NME2: variants seen among roughly 807,000 people sequenced by gnomAD.
NME2 encodes nucleoside diphosphate kinase B.
A neutral mutation model predicts 17.8 loss-of-function variants in NME2; 18 were observed. That is an observed-to-expected ratio of 1.01 (90% CI 0.70 to 1.50). NME2 has a LOEUF of 1.50. Ranked by LOEUF, NME2 falls within the 40% of genes most tolerant of loss-of-function variation. The probability of loss-of-function intolerance (pLI) is 0.00; values close to 1 mark genes in which losing one functional copy is unlikely to be tolerated. For synonymous variants in NME2, 74 were observed against 71.4 expected, an observed-to-expected ratio of 1.04 and a Z score of -0.19; for missense variants, 161 against 195.6, an observed-to-expected ratio of 0.82 and a Z score of 1.05.
At chr17:51,171,429 C>A in intron 4 of NME2, 58 bp from the exon 5 acceptor site, 2 of 1,484,820 alleles carry the variant, frequency 1.3e-6, no homozygotes, top group African/African-American at 1.4e-5. Context: ...TTGCGGTACC[C>A]ATTAAACAGA....
intron 4 of NME2, among the ~76,000 whole-genome samples, chr17:51,170,513 G>A (rs1436854822): frequency 6.6e-6 from 1 of 151,626 alleles, no homozygotes; most frequent in Non-Finnish European, 1.5e-5. Flanking sequence ...AAGCTTTCAG[G>A]CCAGGGGTTT....
At chr17:51,166,605 C>T (rs929525102) in intron 1 of NME2, 108 bp downstream of exon 1, 4 of 321,330 alleles carry the variant, frequency 1.2e-5, no homozygotes, top group African/African-American at 6.6e-5. Context: ...CCCGCAGGTC[C>T]CGCGCGGCGT....
At chr17:51,168,917 C>T in intron 3 of NME2, among the ~76,000 whole-genome samples, 1 of 151,782 alleles carries the variant, frequency 6.6e-6, no homozygotes. Context: ...GAGCCGAGAT[C>T]ATGCCACTGC....
intron 1 of NME2, 91 bp from the exon 2 acceptor site, chr17:51,166,736 T>G (rs974436906): frequency 1.5e-6 from 2 of 1,323,030 alleles, no homozygotes; most frequent in Admixed American, 8.2e-5. Flanking sequence ...CCGCGCGTGG[T>G]GGGGGAGGAG....
chr17:51,166,673 G>C (rs887984691), intron 1 of NME2, 154 bp from the exon 2 acceptor site: 3 of 706,182 alleles, frequency 4.2e-6, no homozygotes, highest in Non-Finnish European at 5.8e-6. Flanking sequence ...TCCGCAGAGG[G>C]ACGCCGGCCC....
intron 2 of NME2, 103 bp downstream of exon 2, chr17:51,167,059 G>C (rs1244143652): frequency 1.3e-6 from 2 of 1,599,420 alleles, no homozygotes; most frequent in East Asian, 2.3e-5. Flanking sequence ...TCATTTCGCT[G>C]CCGCGAAATC....
chr17:51,170,307 A>G (rs1243997070), intron 4 of NME2, among the ~76,000 whole-genome samples: 1 of 151,484 alleles, frequency 6.6e-6, no homozygotes, highest in Admixed American at 6.6e-5. Flanking sequence ...ACGCCCGGCT[A>G]ATTTTTGTAT....
intron 4 of NME2, among the ~76,000 whole-genome samples, chr17:51,170,813 C>A (rs1031197124): frequency 1.2e-4 from 18 of 148,582 alleles, no homozygotes; most frequent in African/African-American, 4.2e-4. Context: ...AAAGCTTTCA[C>A]ACATAGCTTC....
intron 4 of NME2, among the ~76,000 whole-genome samples, chr17:51,170,823 C>T (rs970918305): frequency 1.3e-5 from 2 of 149,896 alleles, no homozygotes; most frequent in Admixed American, 6.6e-5. Context: ...CACATAGCTT[C>T]TTCCCTAGGT....
At chr17:51,167,207 G>T (rs1025536438) in intron 2 of NME2, 1 of 751,052 alleles carries the variant, frequency 1.3e-6, no homozygotes, top group African/African-American at 1.9e-5. Context: ...CCCGCGGGCC[G>T]CTACCTGCCC....
Position 51,169,959 on chromosome 17 carries a change from T to C in NME2, c.251T>C (p.Val84Ala). 6.2e-7 allele frequency: 1 copy of C among 1,613,564 alleles called. No homozygotes were observed. The highest frequency in any genetic ancestry group is 1.1e-5 in the South Asian group (1 of 90,972). ...VAMVWEGLNV[V>A]KTGRVMLGET... ...GAGGTCTGGGAGGGGCTGAACGTGG[T>C]GAAGACAGGCCGAGTGATGCTTGGG... Residue 84 changes from valine (V) to alanine (A), a missense_variant, in exon 4 of 5, where the codon GTG (valine) becomes GCG (alanine). Physicochemically the swap from Val to Ala is moderately conservative, Grantham distance 64 (BLOSUM62 0). Coordinates refer to ENST00000512737, the MANE Select transcript of NME2 (RefSeq NM_002512.4).
At position 51,168,050 on chromosome 17, in the gene NME2, A is replaced by C. The variant is rs150884517; in HGVS notation, c.127-192A>C. The C allele has an allele frequency of 1.1e-3, 425 of 380,748 alleles. 2 individuals carry two copies. The highest frequency in any genetic ancestry group is 7.8e-3 in the African/African-American group (371 of 47,724). The allele number at this position is 380,748 out of a possible 1,614,324, so 23.6% of individuals were successfully genotyped here. ...ACAGTCTTTCTGTTAAAATGGCATT[A>C]GTTTCATGGTTTGGATGGGATTTAA... is the stretch of plus-strand genomic sequence containing the variant. On this transcript the variant is annotated intron_variant, in intron 2 of 4. Coordinates refer to ENST00000512737, the MANE Select transcript of NME2 (RefSeq NM_002512.4).
chr17:51,167,032 G>C, intron 2 of NME2, 76 bp downstream of exon 2: 3 of 1,606,750 alleles, frequency 1.9e-6, no homozygotes, highest in Non-Finnish European at 2.5e-6. Flanking sequence ...CGGTTTGTCC[G>C]CGTCTGCTTT....
chr17:51,168,029 T>G, intron 2 of NME2: 1 of 325,026 alleles, frequency 3.1e-6, no homozygotes, highest in Non-Finnish European at 5.6e-6. Context: ...AAAAGAACAG[T>G]CTTTCTGTTA....
chr17:51,168,453 A>T, intron 3 of NME2, 110 bp downstream of exon 3: 1 of 1,178,020 alleles, frequency 8.5e-7, no homozygotes, highest in Non-Finnish European at 1.2e-6. Context: ...AACCTGCTGA[A>T]GTTACTTAAC....
At chr17:51,166,115 CTGTGTGTG>C (rs34942810), upstream of NME2, among the ~76,000 whole-genome samples, 5,882 of 148,934 alleles carry the variant, frequency 0.039, 311 homozygotes, top group African/African-American at 0.12. Flanking sequence ...GGAGCAGGTT[CTGTGTGTG>C]TGTGTGTGTG....
intron 2 of NME2, 122 bp downstream of exon 2, chr17:51,167,078 C>T: frequency 6.3e-7 from 1 of 1,575,552 alleles, no homozygotes. Flanking sequence ...TCCCTTTGCC[C>T]TCTGCCCCCG....
At chr17:51,166,112 G>C (rs889108424), upstream of NME2, among the ~76,000 whole-genome samples, 1 of 108,052 alleles carries the variant, frequency 9.3e-6, no homozygotes, top group Non-Finnish European at 1.9e-5. Context: ...ACAGGAGCAG[G>C]TTCTGTGTGT....
intron 4 of NME2, 51 bp from the exon 5 acceptor site, chr17:51,171,436 C>A: frequency 6.4e-7 from 1 of 1,556,114 alleles, no homozygotes; most frequent in Non-Finnish European, 8.8e-7. Flanking sequence ...ACCCATTAAA[C>A]AGACTTTTGC....
Sources: gnomAD v4.1 joint callset for allele counts (sites outside exome capture counted in the v4.1 genomes callset) on GRCh38, gnomAD v4.1.1 for gene constraint, MANE v1.5 for transcripts, NCBI Gene and HGNC (gene_info 2026-07-23, HGNC 2026-07-21) for gene names.